PTPRM: variants seen among roughly 807,000 people sequenced by gnomAD.
The protein encoded by PTPRM is receptor-type tyrosine-protein phosphatase mu.
PTPRM carries 47 observed loss-of-function variants against 186.7 expected under a neutral mutation model. The observed-to-expected ratio is 0.25, with a 90% CI of 0.20 to 0.32. The LOEUF (loss-of-function observed/expected upper bound fraction) is 0.32, where lower values mean the gene tolerates loss of function less well. Among genes scored for constraint, PTPRM ranks in the 10% least tolerant of loss-of-function variants. The probability of loss-of-function intolerance (pLI) is 1.00; values close to 1 mark genes in which losing one functional copy is unlikely to be tolerated. For synonymous variants in PTPRM, 668 were observed against 674.9 expected (o/e 0.99, Z 0.16); for missense variants, 1,494 against 1,865.0 (o/e 0.80, Z 3.66).
intron 20 of PTPRM, among the ~76,000 whole-genome samples, chr18:8,299,026 A>C (rs2000645): frequency 0.61 from 93,186 of 151,870 alleles, 29,238 homozygotes; most frequent in Middle Eastern, 0.71. Context: ...GGAGGCAGGC[A>C]AACATGAGGA....
At chr18:8,166,611 G>C (rs1481294371) in intron 14 of PTPRM, among the ~76,000 whole-genome samples, 1 of 152,202 alleles carries the variant, frequency 6.6e-6, no homozygotes, top group South Asian at 2.1e-4. Context: ...ATTTGGTGAT[G>C]ATGATGACAG....
rs374275691 is a variant in PTPRM at position 7,881,442 on chromosome 18, G to A, written c.197-6664G>A. ...AAGAGCAAAACTCCGTCTTGGAGTA[G>A]GGCAGCGGGGGAAGTACAACCTATT... is the stretch of plus-strand genomic sequence containing the variant. On this transcript the variant is annotated intron_variant, in intron 2 of 32. Transcript: ENST00000580170. Among the ~76,000 whole-genome samples, 171 of 152,306 alleles carry A rather than the reference G, an allele frequency of 1.1e-3. 4 individuals carry two copies. The South Asian group carries it at 0.033, about 30-fold the overall frequency.
chr18:7,602,905 A>AATTATTATTATTATTATTATTATT (rs71354561), intron 1 of PTPRM, among the ~76,000 whole-genome samples: 3 of 141,708 alleles, frequency 2.1e-5, no homozygotes, highest in African/African-American at 7.9e-5. Flanking sequence ...ATGTATTTGG[A>AATTATTATTATTATTATTATTATT]ATTATTATTA....
intron 1 of PTPRM, among the ~76,000 whole-genome samples, chr18:7,604,480 C>T (rs1407829591): frequency 6.6e-6 from 1 of 152,206 alleles, no homozygotes; most frequent in Non-Finnish European, 1.5e-5. Context: ...GTGACAGCAC[C>T]TGGAAATACT....
chr18:8,166,034 T>TC (rs1347584043), intron 14 of PTPRM, among the ~76,000 whole-genome samples: 1 of 152,190 alleles, frequency 6.6e-6, no homozygotes, highest in Non-Finnish European at 1.5e-5. Context: ...AACTAGAAAC[T>TC]CACAGAGGGC....
At chr18:8,021,264 T>C (rs1481392157) in intron 7 of PTPRM, among the ~76,000 whole-genome samples, 2 of 151,886 alleles carry the variant, frequency 1.3e-5, no homozygotes, top group East Asian at 3.9e-4. Flanking sequence ...TTACTTAAGC[T>C]TTTTTGATTC....
intron 1 of PTPRM, among the ~76,000 whole-genome samples, chr18:7,718,687 A>C (rs1215513670): frequency 1.3e-5 from 2 of 152,228 alleles, no homozygotes; most frequent in Non-Finnish European, 2.9e-5. Context: ...AATATCCAGA[A>C]TCTACAAGGA....
chr18:8,180,831 C>G (rs1294097388), intron 14 of PTPRM, among the ~76,000 whole-genome samples: 3 of 152,174 alleles, frequency 2.0e-5, no homozygotes, highest in African/African-American at 7.2e-5. Flanking sequence ...TTTCTGTCTA[C>G]TGGGAGACTG....
chr18:7,801,013 CAGTG>C (rs900115164), intron 2 of PTPRM, among the ~76,000 whole-genome samples: 3 of 152,006 alleles, frequency 2.0e-5, no homozygotes, highest in Non-Finnish European at 4.4e-5. Flanking sequence ...CTGGATGGGT[CAGTG>C]AGTGAGTGGT....
At chr18:7,811,166 C>T (rs964946249) in intron 2 of PTPRM, among the ~76,000 whole-genome samples, 4 of 152,164 alleles carry the variant, frequency 2.6e-5, no homozygotes, top group African/African-American at 9.7e-5. Flanking sequence ...GAAAGGCAAG[C>T]GTGGCTCAAT....
At chr18:7,910,209 A>C (rs1471922361) in intron 4 of PTPRM, among the ~76,000 whole-genome samples, 1 of 152,214 alleles carries the variant, frequency 6.6e-6, no homozygotes, top group Non-Finnish European at 1.5e-5. Flanking sequence ...CAGAGTATGT[A>C]CCCGCGACCA....
Position 8,387,170 on chromosome 18 carries a change from T to A in PTPRM, c.4143T>A (p.Ile1381=), listed in dbSNP as rs780513448. The stretch of plus-strand genomic sequence containing the variant: ...CTAAGCGCTCCTTCTTGAAGCTCAT[T>A]CGCCAGGTGGACAAGTGGCAAGAGG... ...PVSKRSFLKL[I]RQVDKWQEEY... The change falls in exon 31 of 33, where the codon ATT becomes ATA. Residue 1381 remains isoleucine (I), a synonymous_variant. Transcript: ENST00000580170. 1 of 1,613,626 alleles carries A rather than the reference T, an allele frequency of 6.2e-7. No homozygotes were observed. Among genetic ancestry groups the A allele is most frequent in the African/African-American group, 1.3e-5 (1 of 74,904 alleles).
intron 2 of PTPRM, among the ~76,000 whole-genome samples, chr18:7,843,719 C>A (rs9953491): frequency 0.07 from 10,726 of 152,182 alleles, 973 homozygotes; most frequent in African/African-American, 0.21. Flanking sequence ...TATTTGTCAT[C>A]TATTGCTGCA....
chr18:7,618,560 A>C (rs980465557), intron 1 of PTPRM, among the ~76,000 whole-genome samples: 2 of 152,160 alleles, frequency 1.3e-5, no homozygotes, highest in Non-Finnish European at 2.9e-5. Flanking sequence ...AAGGAAAAAA[A>C]CCCAAAAATA....
At chr18:8,311,321 A>C (rs1485466194) in intron 20 of PTPRM, among the ~76,000 whole-genome samples, 1 of 152,146 alleles carries the variant, frequency 6.6e-6, no homozygotes, top group Non-Finnish European at 1.5e-5. Flanking sequence ...AAAAAAAAAA[A>C]AACCTGAAAT....
intron 11 of PTPRM, among the ~76,000 whole-genome samples, chr18:8,093,282 T>A (rs924172469): frequency 2.6e-5 from 4 of 152,146 alleles, no homozygotes; most frequent in African/African-American, 9.7e-5. Flanking sequence ...GGGGTTCTTG[T>A]GAAGACTAAA....
At chr18:7,894,043 A>C (rs1177400512) in intron 3 of PTPRM, among the ~76,000 whole-genome samples, 3 of 152,130 alleles carry the variant, frequency 2.0e-5, no homozygotes, top group African/African-American at 4.8e-5. Context: ...AAAAACAATA[A>C]GCTCTGAAGT....
intron 2 of PTPRM, among the ~76,000 whole-genome samples, chr18:7,810,595 G>C (rs1470622777): frequency 6.6e-6 from 1 of 151,986 alleles, no homozygotes; most frequent in Non-Finnish European, 1.5e-5. Flanking sequence ...CTACTTAGTA[G>C]CTTGTGTGTG....
At chr18:7,948,753 T>C (rs563357357) in intron 5 of PTPRM, among the ~76,000 whole-genome samples, 1 of 152,278 alleles carries the variant, frequency 6.6e-6, no homozygotes, top group Admixed American at 6.5e-5. Flanking sequence ...CTTAATACAG[T>C]GTTTATTACT....
Sources: gnomAD v4.1 joint callset for allele counts (sites outside exome capture counted in the v4.1 genomes callset) on GRCh38, gnomAD v4.1.1 for gene constraint, MANE v1.5 for transcripts, NCBI Gene and HGNC (gene_info 2026-07-23, HGNC 2026-07-21) for gene names.